RBM28: variants seen among roughly 807,000 people sequenced by gnomAD.
The protein encoded by RBM28 is RNA binding motif protein 28.
RBM28 carries 78 observed loss-of-function variants against 98.3 expected under a neutral mutation model. The observed-to-expected ratio is 0.79, with a 90% CI of 0.66 to 0.96. The LOEUF (loss-of-function observed/expected upper bound fraction) is 0.96, where lower values mean the gene tolerates loss of function less well. Ranked by LOEUF, RBM28 falls within the 40% of genes least tolerant of loss-of-function variation. The probability of loss-of-function intolerance (pLI) is 0.00; values close to 1 mark genes in which losing one functional copy is unlikely to be tolerated. For missense variants in RBM28, 838 were observed against 913.0 expected (o/e 0.92, Z 1.06); for synonymous variants, 306 against 330.9 (o/e 0.92, Z 0.82).
chr7:128,340,421 C>A (rs1454760825), intron 1 of RBM28, among the ~76,000 whole-genome samples: 1 of 152,218 alleles, frequency 6.6e-6, no homozygotes, highest in East Asian at 1.9e-4. Flanking sequence ...GCCATGACAC[C>A]CTGCACTGTC....
chr7:128,303,057 C>A lies in RBM28; in HGVS notation c.*7740G>T, dbSNP rs1041575439. On this transcript the variant is annotated 3_prime_UTR_variant, in exon 19 of 19. Coordinates refer to ENST00000223073, the MANE Select transcript of RBM28 (RefSeq NM_018077.3). ...GGGGTTACAGGTATGAGCCACCAAGCCCAGCTGGAAGTTTTTAAAACGTTT... is the reference window on the plus strand; with the variant it reads ...GGGGTTACAGGTATGAGCCACCAAGACCAGCTGGAAGTTTTTAAAACGTTT... 2.6e-5 allele frequency: 4 copies of A among 152,170 alleles called. No individual in the cohort carries two copies. The highest frequency in any genetic ancestry group is 5.9e-5 in the Non-Finnish European group (4 of 68,034). 9.4% of individuals were successfully genotyped at this position (152,170 alleles called of 1,614,324 possible).
In RBM28 at chr7:128,299,102, T is replaced by G. The variant is rs1181258659; in HGVS notation, c.*11695A>C. ...AGAAAACTATCTCTGCAAGAAGAGT[T>G]TGTTATGCAGTTCCCAGGAGGAGAG... On this transcript the variant is annotated 3_prime_UTR_variant, in exon 19 of 19. Transcript: ENST00000223073. 2 of 152,062 alleles carry G rather than the reference T, an allele frequency of 1.3e-5. No individual in the cohort carries two copies. 9.4% of individuals were successfully genotyped at this position (152,062 alleles called of 1,614,324 possible).
In RBM28 at chr7:128,299,647, T is replaced by C. The variant is rs1451897742; in HGVS notation, c.*11150A>G. 1 of 152,266 alleles carries C rather than the reference T, an allele frequency of 6.6e-6. No individual in the cohort carries two copies. Among genetic ancestry groups the C allele is most frequent in the Non-Finnish European group, 1.5e-5 (1 of 68,046 alleles). The allele number at this position is 152,266 out of a possible 1,614,324, so 9.4% of individuals were successfully genotyped here. A position where few individuals can be genotyped will look rare whatever the true frequency, so the allele number is the denominator to read the frequency against. ...CATAAAGAACTGGTTATGTAAATTA[T>C]GTTACACTGATACAATCCAATGAGC... On this transcript the variant is annotated 3_prime_UTR_variant, in exon 19 of 19. Coordinates refer to ENST00000223073, the MANE Select transcript of RBM28 (RefSeq NM_018077.3).
intron 16 of RBM28, among the ~76,000 whole-genome samples, chr7:128,317,192 C>G (rs1796124125): frequency 6.6e-6 from 1 of 152,192 alleles, no homozygotes; most frequent in African/African-American, 2.4e-5. Flanking sequence ...GCAAAAAGGG[C>G]AGAGCCAGAG....
At chr7:128,333,209 A>T in intron 9 of RBM28, 81 bp downstream of exon 9, 1 of 1,140,738 alleles carries the variant, frequency 8.8e-7, no homozygotes, top group Non-Finnish European at 1.3e-6. Flanking sequence ...AGGTAACAGA[A>T]CTAGTGCCAA....
chr7:128,342,832 T>C (rs1024212605), intron 1 of RBM28, among the ~76,000 whole-genome samples: 4 of 152,228 alleles, frequency 2.6e-5, no homozygotes, highest in South Asian at 2.1e-4. Flanking sequence ...TTGAGCTTGC[T>C]GTTTTCTCTT....
chr7:128,311,075 A>T, intron 18 of RBM28, 144 bp from the exon 19 acceptor site: 1 of 818,112 alleles, frequency 1.2e-6, no homozygotes, highest in Non-Finnish European at 2.0e-6. Flanking sequence ...AGAGACTCTT[A>T]GAGAGAAAGG....
chr7:128,321,730 T>G (rs573169464), intron 13 of RBM28, among the ~76,000 whole-genome samples: 1 of 152,118 alleles, frequency 6.6e-6, no homozygotes, highest in South Asian at 2.1e-4. Context: ...TCAAGGTCTC[T>G]GAGCACTGAG....
intron 12 of RBM28, among the ~76,000 whole-genome samples, chr7:128,324,146 A>G (rs1796296002): frequency 6.6e-6 from 1 of 152,226 alleles, no homozygotes; most frequent in East Asian, 1.9e-4. Flanking sequence ...TTAAAAATTT[A>G]AAGCTAATTT....
chr7:128,339,401 T>C, intron 2 of RBM28, 80 bp from the exon 3 acceptor site: 2 of 1,249,858 alleles, frequency 1.6e-6, no homozygotes, highest in Admixed American at 1.9e-5. Context: ...AAAAAGCTAC[T>C]GGCGACAGAT....
chr7:128,301,746 G>A lies in RBM28; in HGVS notation c.*9051C>T, dbSNP rs943987716. 3.3e-5 allele frequency: 5 copies of A among 152,328 alleles called. No homozygotes were observed. The highest frequency in any genetic ancestry group is 1.3e-4 in the Admixed American group (2 of 15,284). The allele number at this position is 152,328 out of a possible 1,614,324, so 9.4% of individuals were successfully genotyped here. A position where few individuals can be genotyped will look rare whatever the true frequency, so the allele number is the denominator to read the frequency against. Reference sequence around the variant, plus strand: ...GCCTTGCCCTGGCCCAGACATCACAGACCACTCTCACTGCACTGGCTATTA... The same window carrying A: ...GCCTTGCCCTGGCCCAGACATCACAAACCACTCTCACTGCACTGGCTATTA... On this transcript the variant is annotated 3_prime_UTR_variant, in exon 19 of 19. Coordinates refer to ENST00000223073, the MANE Select transcript of RBM28 (RefSeq NM_018077.3).
At chr7:128,326,148 C>CA (rs1796345885) in intron 10 of RBM28, among the ~76,000 whole-genome samples, 1 of 151,932 alleles carries the variant, frequency 6.6e-6, no homozygotes, top group Admixed American at 6.6e-5. Flanking sequence ...ACTAAAAATA[C>CA]AAAAAATTAG....
intron 17 of RBM28, among the ~76,000 whole-genome samples, chr7:128,314,301 TC>T (rs200075267): frequency 0.024 from 3,603 of 152,340 alleles, 137 homozygotes; most frequent in African/African-American, 0.08. Context: ...CTCAGGTATT[TC>T]TTTATAGCAG....
intron 13 of RBM28, 52 bp downstream of exon 13, chr7:128,323,475 G>C (rs1296309529): frequency 1.6e-5 from 26 of 1,595,030 alleles, no homozygotes; most frequent in Non-Finnish European, 2.2e-5. Context: ...AACTATTTTT[G>C]ATTGATTTAT....
rs1294530809 is a variant in RBM28 at position 128,306,800 on chromosome 7, A to C, written c.*3997T>G. On this transcript the variant is annotated 3_prime_UTR_variant, in exon 19 of 19. Coordinates refer to ENST00000223073, the MANE Select transcript of RBM28 (RefSeq NM_018077.3). ...TCCAATCTTCCCAGTATATTCCTTT[A>C]CCAGCACAAAAACTCATGTACAGCC... 1 of 152,338 alleles carries C rather than the reference A, an allele frequency of 6.6e-6. No individual in the cohort carries two copies. Among genetic ancestry groups the C allele is most frequent in the African/African-American group, 2.4e-5 (1 of 41,450 alleles). 9.4% of individuals were successfully genotyped at this position (152,338 alleles called of 1,614,324 possible).
intron 14 of RBM28, 119 bp downstream of exon 14, chr7:128,321,147 C>G (rs924066283): frequency 8.0e-6 from 11 of 1,383,118 alleles, no homozygotes; most frequent in African/African-American, 1.4e-5. Flanking sequence ...GCCTGGGCAA[C>G]AGAGTGAGAC....
At chr7:128,323,309 A>G (rs1796276157) in intron 13 of RBM28, among the ~76,000 whole-genome samples, 1 of 152,216 alleles carries the variant, frequency 6.6e-6, no homozygotes, top group African/African-American at 2.4e-5. Context: ...AAATAATAAG[A>G]CACAGTTCTT....
In RBM28 at chr7:128,302,320, C is replaced by T. The variant is rs894755560; in HGVS notation, c.*8477G>A. On this transcript the variant is annotated 3_prime_UTR_variant, in exon 19 of 19. Coordinates refer to ENST00000223073, the MANE Select transcript of RBM28 (RefSeq NM_018077.3). Reference sequence around the variant, plus strand: ...GAGCTGGGCTCATTCGTTCTGGCAGCTGTCCCTGCAGATGAGGATCGAGGG... The same window carrying T: ...GAGCTGGGCTCATTCGTTCTGGCAGTTGTCCCTGCAGATGAGGATCGAGGG... 1 of 152,262 alleles carries T rather than the reference C, an allele frequency of 6.6e-6. No individual in the cohort carries two copies. Among genetic ancestry groups the T allele is most frequent in the East Asian group, 1.9e-4 (1 of 5,200 alleles). 9.4% of individuals were successfully genotyped at this position (152,262 alleles called of 1,614,324 possible).
At chr7:128,323,250 T>G (rs1162685058) in intron 13 of RBM28, among the ~76,000 whole-genome samples, 1 of 152,216 alleles carries the variant, frequency 6.6e-6, no homozygotes. Context: ...TACTGCATGA[T>G]GTAGCAGCAT....
Sources: gnomAD v4.1 joint callset for allele counts (sites outside exome capture counted in the v4.1 genomes callset) on GRCh38, gnomAD v4.1.1 for gene constraint, MANE v1.5 for transcripts, NCBI Gene and HGNC (gene_info 2026-07-23, HGNC 2026-07-21) for gene names.